SLC44A1: variants seen among roughly 807,000 people sequenced by gnomAD.
SLC44A1 encodes solute carrier family 44 member 1, also known as choline transporter-like protein 1.
In SLC44A1, 26 loss-of-function variants were observed where a neutral mutation model predicts 79.3. That is an observed-to-expected ratio of 0.33 (90% CI 0.24 to 0.46). SLC44A1 has a LOEUF of 0.46. Ranked by LOEUF, SLC44A1 falls within the 20% of genes least tolerant of loss-of-function variation. SLC44A1 has a pLI of 1.00. For missense variants in SLC44A1, 688 were observed against 798.1 expected (o/e 0.86, Z 1.66); for synonymous variants, 263 against 286.2 (o/e 0.92, Z 0.82).
chr9:105,244,830 G>T lies in SLC44A1; in HGVS notation c.-39G>T. ...TGCCGAGGGGCTCCGGGGCGTAGCTGCGCGCCCGGCGCCGCCTCCGGGCTC... is the reference window on the plus strand; with the variant it reads ...TGCCGAGGGGCTCCGGGGCGTAGCTTCGCGCCCGGCGCCGCCTCCGGGCTC... On this transcript the variant is annotated 5_prime_UTR_variant, in exon 1 of 16. Transcript: ENST00000374720. The T allele has an allele frequency of 9.1e-7, 1 of 1,098,688 alleles. No homozygotes were observed. The highest frequency in any genetic ancestry group is 1.1e-6 in the Non-Finnish European group (1 of 903,088). The allele number at this position is 1,098,688 out of a possible 1,614,324, so 68.1% of individuals were successfully genotyped here.
rs1828780735 is a variant in SLC44A1 at position 105,392,393 on chromosome 9, CT to C, written c.*3338del. 1.1e-6 allele frequency: 1 copy of C among 889,566 alleles called. No individual in the cohort carries two copies. The highest frequency in any genetic ancestry group is 2.3e-5 in the African/African-American group (1 of 43,432). The allele number at this position is 889,566 out of a possible 1,614,324, so 55.1% of individuals were successfully genotyped here. On this transcript the variant is annotated 3_prime_UTR_variant, in exon 16 of 16. Coordinates refer to ENST00000374720, the MANE Select transcript of SLC44A1 (RefSeq NM_080546.5). ...TTTTTCTTTTGTAGAGATGCTCTCT[CT>C]CTCTCTCTCTTTTTTTTTTTTTTTT...
intron 4 of SLC44A1, among the ~76,000 whole-genome samples, chr9:105,342,224 C>T (rs1422927896): frequency 6.6e-6 from 1 of 152,228 alleles, no homozygotes; most frequent in African/African-American, 2.4e-5. Flanking sequence ...AAAAATAATT[C>T]ATAAGTTTTA....
In SLC44A1 at chr9:105,372,432, C is replaced by T. The variant is rs7866899; in HGVS notation, c.1495-2166C>T. Among the ~76,000 whole-genome samples, 33 of 151,892 alleles carry T rather than the reference C, an allele frequency of 2.2e-4. No individual in the cohort carries two copies. The East Asian group carries it at 5.8e-3, about 27-fold the overall frequency. On this transcript the variant is annotated intron_variant, in intron 12 of 15. Coordinates refer to ENST00000374720, the MANE Select transcript of SLC44A1 (RefSeq NM_080546.5). ...GCCTCCGAGTAGCCGGGATTACAGG[C>T]GCATGCCAGCACGCCCGGCTAATTT...
At chr9:105,341,170 A>G (rs1827075717) in intron 4 of SLC44A1, among the ~76,000 whole-genome samples, 1 of 152,044 alleles carries the variant, frequency 6.6e-6, no homozygotes, top group Non-Finnish European at 1.5e-5. Flanking sequence ...CCTCATCTCT[A>G]CTAAAACTAC....
intron 1 of SLC44A1, among the ~76,000 whole-genome samples, chr9:105,281,238 G>A (rs1477221994): frequency 1.3e-5 from 2 of 152,192 alleles, no homozygotes; most frequent in South Asian, 2.1e-4. Context: ...TTAAGGAGAG[G>A]GGTGTTGCTA....
chr9:105,317,775 A>G (rs1416601670), intron 3 of SLC44A1, among the ~76,000 whole-genome samples: 1 of 152,228 alleles, frequency 6.6e-6, no homozygotes, highest in African/African-American at 2.4e-5. Context: ...GAAGCTCAGA[A>G]GAAGAGAGGT....
At chr9:105,324,102 C>G (rs137868046) in intron 3 of SLC44A1, among the ~76,000 whole-genome samples, 1,876 of 151,546 alleles carry the variant, frequency 0.012, 44 homozygotes, top group African/African-American at 0.044. Context: ...CCCGGATTCA[C>G]GCCATTCTCC....
chr9:105,406,050 A>C (rs1829025605), intron 15 of SLC44A1, among the ~76,000 whole-genome samples: 1 of 152,204 alleles, frequency 6.6e-6, no homozygotes, highest in South Asian at 2.1e-4. Context: ...AGGCTAGAGC[A>C]GAGTTGTAAA....
At chr9:105,337,809 A>C (rs914742894) in intron 4 of SLC44A1, among the ~76,000 whole-genome samples, 1 of 152,218 alleles carries the variant, frequency 6.6e-6, no homozygotes, top group South Asian at 2.1e-4. Context: ...TCACTGGAGG[A>C]GAGATGCCCT....
At chr9:105,327,020 T>A (rs1267106028) in intron 3 of SLC44A1, among the ~76,000 whole-genome samples, 1 of 152,204 alleles carries the variant, frequency 6.6e-6, no homozygotes, top group African/African-American at 2.4e-5. Flanking sequence ...AACCGTTTAG[T>A]CTGAGATGCT....
intron 2 of SLC44A1, among the ~76,000 whole-genome samples, chr9:105,308,616 T>A (rs1174110980): frequency 6.6e-6 from 1 of 152,226 alleles, no homozygotes; most frequent in Non-Finnish European, 1.5e-5. Flanking sequence ...GGGGAAATAC[T>A]TTTCTCTGAG....
intron 1 of SLC44A1, among the ~76,000 whole-genome samples, chr9:105,277,204 A>G (rs1285008748): frequency 6.6e-6 from 1 of 152,248 alleles, no homozygotes; most frequent in Non-Finnish European, 1.5e-5. Flanking sequence ...TTACTGAAGT[A>G]GGGAAGGCTG....
At chr9:105,335,493 T>C in intron 3 of SLC44A1, 70 bp from the exon 4 acceptor site, 1 of 1,185,788 alleles carries the variant, frequency 8.4e-7, no homozygotes, top group Non-Finnish European at 1.2e-6. Flanking sequence ...GCTCTAGGCT[T>C]AGTCAAATAT....
chr9:105,404,642 T>A (rs961644123), intron 15 of SLC44A1, among the ~76,000 whole-genome samples: 2 of 152,194 alleles, frequency 1.3e-5, no homozygotes, highest in Non-Finnish European at 2.9e-5. Context: ...ATAAATGAAC[T>A]TAGGGGATAG....
chr9:105,297,583 A>G (rs1055144204), intron 1 of SLC44A1, among the ~76,000 whole-genome samples: 4 of 152,058 alleles, frequency 2.6e-5, no homozygotes, highest in Admixed American at 2.6e-4. Flanking sequence ...GGGTTTCTCC[A>G]TGTTGGTCAG....
In SLC44A1 at chr9:105,390,325, C is replaced by T; in HGVS notation, c.*1269C>T. The T allele has an allele frequency of 2.0e-6, 2 of 979,296 alleles. No individual in the cohort carries two copies. Among genetic ancestry groups the T allele is most frequent in the Non-Finnish European group, 2.4e-6 (2 of 827,256 alleles). 60.7% of individuals were successfully genotyped at this position (979,296 alleles called of 1,614,324 possible). A position where few individuals can be genotyped will look rare whatever the true frequency, so the allele number is the denominator to read the frequency against. On this transcript the variant is annotated 3_prime_UTR_variant, in exon 16 of 16. Coordinates refer to ENST00000374720, the MANE Select transcript of SLC44A1 (RefSeq NM_080546.5). Reference sequence around the variant, plus strand: ...AATTCATGATCTGTTTATGCGATAACTCCTTTTTGTTACAATTTTTTTAAA... The same window carrying T: ...AATTCATGATCTGTTTATGCGATAATTCCTTTTTGTTACAATTTTTTTAAA...
At chr9:105,295,220 A>G (rs913767332) in intron 1 of SLC44A1, among the ~76,000 whole-genome samples, 1 of 152,212 alleles carries the variant, frequency 6.6e-6, no homozygotes, top group South Asian at 2.1e-4. Context: ...GCGGTCATAG[A>G]TAATATAAAT....
chr9:105,272,364 C>T (rs1236991225), intron 1 of SLC44A1, among the ~76,000 whole-genome samples: 1 of 152,050 alleles, frequency 6.6e-6, no homozygotes, highest in Non-Finnish European at 1.5e-5. Context: ...TATTTAACTC[C>T]TCAGTATCTC....
chr9:105,421,745 G>A (rs779872991), intron 15 of SLC44A1, among the ~76,000 whole-genome samples: 4 of 151,948 alleles, frequency 2.6e-5, no homozygotes, highest in East Asian at 1.9e-4. Flanking sequence ...CTACCACGGC[G>A]CCCGGCTAAT....
Sources: gnomAD v4.1 joint callset for allele counts (sites outside exome capture counted in the v4.1 genomes callset) on GRCh38, gnomAD v4.1.1 for gene constraint, MANE v1.5 for transcripts, NCBI Gene and HGNC (gene_info 2026-07-23, HGNC 2026-07-21) for gene names.